The following PTPRD variants were observed in gnomAD, a reference collection of about 807,000 sequenced individuals.
PTPRD encodes protein tyrosine phosphatase receptor type D, also known as receptor-type tyrosine-protein phosphatase delta.
A neutral mutation model predicts 214.5 loss-of-function variants in PTPRD; 34 were observed. That is an observed-to-expected ratio of 0.16 (90% CI 0.12 to 0.21). PTPRD has a LOEUF of 0.21. Ranked by LOEUF, PTPRD falls within the 10% of genes least tolerant of loss-of-function variation. The pLI, the probability that PTPRD is intolerant of heterozygous loss-of-function variation, is 1.00. For synonymous variants in PTPRD, 1,128 were observed against 845.7 expected, an observed-to-expected ratio of 1.33 and a Z score of -5.79; for missense variants, 2,545 against 2,398.7, an observed-to-expected ratio of 1.06 and a Z score of -1.27.
rs1039233398 is a variant in PTPRD, at chr9:9,747,255, G to A, written c.-325-12684C>T. On this transcript the variant is annotated intron_variant, in intron 6 of 45. Coordinates refer to ENST00000381196, the MANE Select transcript of PTPRD (RefSeq NM_002839.4). ...CATTTCAGGACTATCAACAGCTTCT[G>A]TTCAGGCTCATGATTTCCGATATGA... Among the ~76,000 whole-genome samples, 3 of 11,430 alleles carry A rather than the reference G, an allele frequency of 2.6e-4. No individual in the cohort carries two copies. The African/African-American group carries it at 5.2e-3, about 20-fold the overall frequency. 7.5% of individuals were successfully genotyped at this position (11,430 alleles called of 152,430 possible). A position where few individuals can be genotyped will look rare whatever the true frequency, so the allele number is the denominator to read the frequency against.
chr9:8,413,546 A>G (rs1186488808), intron 35 of PTPRD, among the ~76,000 whole-genome samples: 2 of 152,152 alleles, frequency 1.3e-5, no homozygotes, highest in African/African-American at 2.4e-5. Flanking sequence ...GACTATCCAC[A>G]TGTGCCTTTT....
At chr9:9,112,084 T>G (rs1383365543) in intron 10 of PTPRD, among the ~76,000 whole-genome samples, 5 of 152,162 alleles carry the variant, frequency 3.3e-5, no homozygotes, top group Non-Finnish European at 5.9e-5. Flanking sequence ...ACATCTCAGG[T>G]AAAACACATA....
chr9:10,549,497 G>C (rs942450836), intron 2 of PTPRD, among the ~76,000 whole-genome samples: 2 of 152,150 alleles, frequency 1.3e-5, no homozygotes, highest in Non-Finnish European at 2.9e-5. Context: ...GAAGGTAGCA[G>C]GACTCATTCC....
At chr9:9,370,788 C>G (rs1172075180) in intron 9 of PTPRD, among the ~76,000 whole-genome samples, 1 of 152,080 alleles carries the variant, frequency 6.6e-6, no homozygotes, top group Non-Finnish European at 1.5e-5. Flanking sequence ...TACGTCCCAT[C>G]AATACCTAAT....
chr9:8,936,908 G>A (rs1485145927), intron 11 of PTPRD, among the ~76,000 whole-genome samples: 1 of 152,102 alleles, frequency 6.6e-6, no homozygotes, highest in Non-Finnish European at 1.5e-5. Flanking sequence ...ATATTACTGA[G>A]TAATTTGGAT....
intron 9 of PTPRD, among the ~76,000 whole-genome samples, chr9:9,221,795 G>C (rs569064576): frequency 8.6e-5 from 13 of 151,930 alleles, no homozygotes; most frequent in Non-Finnish European, 1.3e-4. Context: ...AATCTGTCAC[G>C]TGTAGCAGAA....
At chr9:10,609,224 G>C (rs1464782370) in intron 2 of PTPRD, among the ~76,000 whole-genome samples, 1 of 152,036 alleles carries the variant, frequency 6.6e-6, no homozygotes, top group African/African-American at 2.4e-5. Context: ...ATAGTAGCTA[G>C]ATCAATAGAG....
intron 5 of PTPRD, among the ~76,000 whole-genome samples, chr9:9,840,462 C>G (rs919903103): frequency 6.6e-6 from 1 of 151,926 alleles, no homozygotes; most frequent in Non-Finnish European, 1.5e-5. Context: ...AAAGTAAATA[C>G]GTAAATGTGA....
intron 9 of PTPRD, among the ~76,000 whole-genome samples, chr9:9,288,049 A>G (rs1358164304): frequency 2.0e-5 from 3 of 151,850 alleles, no homozygotes; most frequent in African/African-American, 7.2e-5. Flanking sequence ...TTTCCTATTA[A>G]TATTTTAATT....
rs2061454388 is a variant in PTPRD, at chr9:10,551,950, C to A, written c.-600+60448G>T. 2.0e-5 allele frequency among the ~76,000 whole-genome samples: 3 copies of A among 152,314 alleles called. No individual in the cohort carries two copies. In the South Asian group the frequency reaches 6.2e-4, roughly 32 times the overall value. On this transcript the variant is annotated intron_variant, in intron 2 of 45. Coordinates refer to ENST00000381196, the MANE Select transcript of PTPRD (RefSeq NM_002839.4). ...CTCCCTTTCTGCACATTCATCCACT[C>A]AGTCGAATTTTCTACTTTGCATGCA...
intron 5 of PTPRD, among the ~76,000 whole-genome samples, chr9:9,881,628 G>A (rs1336885873): frequency 6.6e-6 from 1 of 152,136 alleles, no homozygotes; most frequent in Non-Finnish European, 1.5e-5. Flanking sequence ...TGGGGGCATA[G>A]CAAAGAGCTG....
intron 37 of PTPRD, among the ~76,000 whole-genome samples, chr9:8,379,950 C>G (rs2084462100): frequency 6.6e-6 from 1 of 152,100 alleles, no homozygotes; most frequent in Non-Finnish European, 1.5e-5. Context: ...GGAACAGTGT[C>G]TCCAGCATTA....
At chr9:8,487,395 A>G (rs2097048051) in intron 27 of PTPRD, among the ~76,000 whole-genome samples, 1 of 151,994 alleles carries the variant, frequency 6.6e-6, no homozygotes, top group Non-Finnish European at 1.5e-5. Flanking sequence ...AAAGACATTG[A>G]GGGATGATCA....
At chr9:9,040,514 C>G (rs770460977) in intron 10 of PTPRD, among the ~76,000 whole-genome samples, 1 of 152,090 alleles carries the variant, frequency 6.6e-6, no homozygotes, top group Non-Finnish European at 1.5e-5. Flanking sequence ...CATATTCAAC[C>G]GCACTCTTGC....
intron 3 of PTPRD, among the ~76,000 whole-genome samples, chr9:10,250,931 G>T (rs974771827): frequency 6.6e-6 from 1 of 151,766 alleles, no homozygotes; most frequent in Non-Finnish European, 1.5e-5. Context: ...AAAAATATTT[G>T]ATTATAAAAC....
chr9:9,280,154 C>T (rs1947143181), intron 9 of PTPRD, among the ~76,000 whole-genome samples: 1 of 151,236 alleles, frequency 6.6e-6, no homozygotes, highest in Non-Finnish European at 1.5e-5. Context: ...CAAATACTCT[C>T]ATGGCCCTTA....
chr9:10,511,903 CATAT>C lies in PTPRD; in HGVS notation c.-600+100491_-600+100494del, dbSNP rs528972140. Among the ~76,000 whole-genome samples the C allele has an allele frequency of 6.3e-3, 703 of 112,398 alleles. 14 individuals are homozygous for C. The highest frequency in any genetic ancestry group is 0.023 in the African/African-American group (679 of 29,366). 73.7% of individuals were successfully genotyped at this position (112,398 alleles called of 152,430 possible). A position where few individuals can be genotyped will look rare whatever the true frequency, so the allele number is the denominator to read the frequency against. On this transcript the variant is annotated intron_variant, in intron 2 of 45. Coordinates refer to ENST00000381196, the MANE Select transcript of PTPRD (RefSeq NM_002839.4). ...GTATATACACACACACATATATATA[CATAT>C]ATATATACGTGTATATATATATACG...
intron 30 of PTPRD, among the ~76,000 whole-genome samples, chr9:8,481,467 A>G (rs2096883732): frequency 6.6e-6 from 1 of 152,028 alleles, no homozygotes; most frequent in Admixed American, 6.6e-5. Context: ...CTTATTTCTG[A>G]TTTTGTTTTT....
At chr9:8,340,233 G>A (rs764200539) in intron 42 of PTPRD, 110 bp downstream of exon 42, 363 of 1,257,640 alleles carry the variant, frequency 2.9e-4, no homozygotes, top group Non-Finnish European at 3.8e-4. Flanking sequence ...TGTCCAGAGT[G>A]CACTGCATTT....
Sources: allele counts gnomAD v4.1 joint callset (sites outside exome capture counted in the v4.1 genomes callset), GRCh38; gene constraint gnomAD v4.1.1; transcripts MANE v1.5; gene names NCBI Gene and HGNC (gene_info 2026-07-23, HGNC 2026-07-21).